The following SIPA1L1 variants were observed in gnomAD, a reference collection of about 807,000 sequenced individuals.
The protein encoded by SIPA1L1 is signal-induced proliferation-associated 1-like protein 1.
Under a neutral mutation model 162.7 loss-of-function variants are expected in SIPA1L1, and 26 were observed. That is an observed-to-expected ratio of 0.16 (90% CI 0.12 to 0.22). The LOEUF (loss-of-function observed/expected upper bound fraction) is 0.22, where lower values mean the gene tolerates loss of function less well. SIPA1L1 is among the 10% of genes least tolerant of loss of function. The probability of loss-of-function intolerance (pLI) is 1.00; values close to 1 mark genes in which losing one functional copy is unlikely to be tolerated. For synonymous variants in SIPA1L1, 829 were observed against 837.4 expected, an observed-to-expected ratio of 0.99 and a Z score of 0.17; for missense variants, 1,874 against 2,241.0, an observed-to-expected ratio of 0.84 and a Z score of 3.31.
chr14:71,635,353 A>G (rs914878579), intron 7 of SIPA1L1, among the ~76,000 whole-genome samples: 1 of 152,224 alleles, frequency 6.6e-6, no homozygotes, highest in African/African-American at 2.4e-5. Context: ...ATATGGGTAA[A>G]TACTTTTCTT....
At chr14:71,548,846 TG>T (rs1370883461) in intron 4 of SIPA1L1, among the ~76,000 whole-genome samples, 29 of 130,534 alleles carry the variant, frequency 2.2e-4, no homozygotes, top group African/African-American at 8.1e-4. Flanking sequence ...TGCAATGAGC[TG>T]GGATGGCTCC....
At chr14:71,615,536 C>T (rs2038737974) in intron 5 of SIPA1L1, among the ~76,000 whole-genome samples, 1 of 152,106 alleles carries the variant, frequency 6.6e-6, no homozygotes, top group Non-Finnish European at 1.5e-5. Context: ...GAGAGATGTC[C>T]AGAAGCTGGA....
chr14:71,478,103 A>G (rs2048029650), intron 2 of SIPA1L1, among the ~76,000 whole-genome samples: 1 of 152,164 alleles, frequency 6.6e-6, no homozygotes, highest in African/African-American at 2.4e-5. Context: ...GTTAACCTGC[A>G]TTTCTCTAGT....
chr14:71,344,089 AC>A (rs1356417917), intron 2 of SIPA1L1, among the ~76,000 whole-genome samples: 3 of 152,198 alleles, frequency 2.0e-5, no homozygotes, highest in African/African-American at 7.2e-5. Flanking sequence ...AGGTACTAGC[AC>A]TTTTTTTGAA....
chr14:71,502,256 ATATAT>A (rs1269544901), intron 2 of SIPA1L1, among the ~76,000 whole-genome samples: 1 of 59,656 alleles, frequency 1.7e-5, no homozygotes, highest in Non-Finnish European at 3.6e-5. Context: ...AAAAAAAAAA[ATATAT>A]ATATATATAT....
At chr14:71,371,045 A>G (rs2038841770) in intron 2 of SIPA1L1, among the ~76,000 whole-genome samples, 1 of 152,156 alleles carries the variant, frequency 6.6e-6, no homozygotes. Context: ...AGGCCACTAA[A>G]TGGGGGAAGT....
intron 2 of SIPA1L1, among the ~76,000 whole-genome samples, chr14:71,463,481 T>C (rs1479035763): frequency 3.3e-5 from 5 of 152,192 alleles, no homozygotes; most frequent in African/African-American, 1.2e-4. Context: ...CAGCATCAGC[T>C]CAGAGCCAGT....
At chr14:71,478,088 AT>A (rs2048028853) in intron 2 of SIPA1L1, among the ~76,000 whole-genome samples, 1 of 152,202 alleles carries the variant, frequency 6.6e-6, no homozygotes, top group African/African-American at 2.4e-5. Context: ...GTGTCTCATT[AT>A]GGTGTTAACC....
intron 21 of SIPA1L1, among the ~76,000 whole-genome samples, chr14:71,734,622 C>T (rs1015021567): frequency 1.3e-5 from 2 of 152,060 alleles, no homozygotes; most frequent in Admixed American, 6.5e-5. Context: ...AGAATCTGTA[C>T]GTCGGGCAAC....
At chr14:71,490,192 A>G (rs2049127585) in intron 2 of SIPA1L1, among the ~76,000 whole-genome samples, 1 of 152,190 alleles carries the variant, frequency 6.6e-6, no homozygotes, top group African/African-American at 2.4e-5. Flanking sequence ...AGTTATTTTG[A>G]TTTCATTAAA....
At chr14:71,564,366 C>CTT (rs970883769) in intron 4 of SIPA1L1, among the ~76,000 whole-genome samples, 1 of 129,048 alleles carries the variant, frequency 7.7e-6, no homozygotes, top group Non-Finnish European at 1.7e-5. Flanking sequence ...TCTTTTTCTT[C>CTT]TTTTTTTTTT....
chr14:71,346,429 T>C (rs1422745892), intron 2 of SIPA1L1, among the ~76,000 whole-genome samples: 1 of 152,212 alleles, frequency 6.6e-6, no homozygotes, highest in Non-Finnish European at 1.5e-5. Flanking sequence ...TTCATCCTGA[T>C]GGAAGTTGTG....
rs910938049 is a variant in SIPA1L1, at chr14:71,690,366, GTAAC to G, written c.3374+4738_3374+4741del. On this transcript the variant is annotated intron_variant, in intron 13 of 23. Coordinates refer to ENST00000381232, the MANE Select transcript of SIPA1L1 (RefSeq NM_001386936.1). ...CCATCCTCCCACCTCAATCTGCTGAGTAACTAGTACTGCAGGTGCACGCCACACC... is the reference window on the plus strand; with the variant it reads ...CCATCCTCCCACCTCAATCTGCTGAGTAGTACTGCAGGTGCACGCCACACC... Among the ~76,000 whole-genome samples, 36 of 152,098 alleles carry G rather than the reference GTAAC, an allele frequency of 2.4e-4. 1 individual carries two copies. Among genetic ancestry groups the G allele is most frequent in the Admixed American group, 1.4e-3 (22 of 15,262 alleles).
intron 4 of SIPA1L1, among the ~76,000 whole-genome samples, chr14:71,531,649 C>T (rs553813842): frequency 3.3e-5 from 5 of 152,184 alleles, no homozygotes; most frequent in Admixed American, 1.3e-4. Context: ...ATTGCAGCCT[C>T]GACCTCCCAG....
At chr14:71,360,994 T>A (rs543207364) in intron 2 of SIPA1L1, among the ~76,000 whole-genome samples, 1 of 152,126 alleles carries the variant, frequency 6.6e-6, no homozygotes, top group Non-Finnish European at 1.5e-5. Flanking sequence ...AAAAGAGAGA[T>A]GATTTGTATA....
At chr14:71,637,877 A>G (rs1009309133) in intron 7 of SIPA1L1, among the ~76,000 whole-genome samples, 6 of 152,172 alleles carry the variant, frequency 3.9e-5, no homozygotes, top group African/African-American at 9.7e-5. Context: ...TCTATCAGGA[A>G]TGAAATTAGA....
intron 2 of SIPA1L1, among the ~76,000 whole-genome samples, chr14:71,472,443 G>A (rs1345298928): frequency 6.6e-6 from 1 of 151,920 alleles, no homozygotes; most frequent in Non-Finnish European, 1.5e-5. Flanking sequence ...AAAGATTGGG[G>A]GGAAATAATT....
chr14:71,522,013 A>G (rs142728563), intron 3 of SIPA1L1, among the ~76,000 whole-genome samples: 209 of 152,286 alleles, frequency 1.4e-3, no homozygotes, highest in Non-Finnish European at 2.5e-3. Flanking sequence ...TGCAAAAGTC[A>G]TATAATTTAT....
At chr14:71,323,230 T>G (rs1457841714) in intron 2 of SIPA1L1, among the ~76,000 whole-genome samples, 1 of 152,234 alleles carries the variant, frequency 6.6e-6, no homozygotes, top group Non-Finnish European at 1.5e-5. Flanking sequence ...ATTAGCAGTT[T>G]TGTAGACTTC....
Sources: allele counts gnomAD v4.1 joint callset (sites outside exome capture counted in the v4.1 genomes callset), GRCh38; gene constraint gnomAD v4.1.1; transcripts MANE v1.5; gene names NCBI Gene and HGNC (gene_info 2026-07-23, HGNC 2026-07-21).